The following GRM3 variants were observed in gnomAD, a reference collection of about 807,000 sequenced individuals.
GRM3 encodes the protein glutamate metabotropic receptor 3.
GRM3 carries 26 observed loss-of-function variants against 70.5 expected under a neutral mutation model. The ratio of observed to expected loss-of-function variants is 0.37; its 90% CI spans 0.27 to 0.51. GRM3 has a LOEUF of 0.51. GRM3 is among the 20% of genes least tolerant of loss of function. GRM3 has a pLI of 0.93. For synonymous variants in GRM3, 443 were observed against 434.9 expected (o/e 1.02, Z -0.23); for missense variants, 859 against 1,123.8 (o/e 0.76, Z 3.37).
intron 3 of GRM3, among the ~76,000 whole-genome samples, chr7:86,802,081 A>G (rs1035500306): frequency 1.3e-5 from 2 of 152,208 alleles, no homozygotes; most frequent in African/African-American, 2.4e-5. Context: ...CTGGCCTGAC[A>G]TAACCATTTT....
intron 1 of GRM3, among the ~76,000 whole-genome samples, chr7:86,667,856 A>G (rs1794067175): frequency 6.6e-6 from 1 of 152,134 alleles, no homozygotes; most frequent in Non-Finnish European, 1.5e-5. Flanking sequence ...GCAAGCCAAT[A>G]CAATTACCTA....
intron 1 of GRM3, among the ~76,000 whole-genome samples, chr7:86,724,337 T>C (rs766686622): frequency 6.6e-6 from 1 of 152,130 alleles, no homozygotes; most frequent in Admixed American, 6.6e-5. Context: ...GAAATAACTT[T>C]CCAGGCAAGG....
chr7:86,844,034 T>C (rs749348521), intron 4 of GRM3, among the ~76,000 whole-genome samples: 1 of 152,154 alleles, frequency 6.6e-6, no homozygotes, highest in African/African-American at 2.4e-5. Flanking sequence ...AGGACCATAC[T>C]TGGAGTGTCA....
chr7:86,748,355 C>A (rs994348837), intron 1 of GRM3, among the ~76,000 whole-genome samples: 6 of 151,968 alleles, frequency 3.9e-5, no homozygotes, highest in African/African-American at 1.4e-4. Context: ...AATTCGAAGT[C>A]ATTTGGAGGC....
At chr7:86,795,645 C>T (rs1490988349) in intron 3 of GRM3, among the ~76,000 whole-genome samples, 1 of 151,970 alleles carries the variant, frequency 6.6e-6, no homozygotes, top group Non-Finnish European at 1.5e-5. Flanking sequence ...GTATATGTAC[C>T]ACATTTATTT....
chr7:86,670,079 T>C (rs1794132545), intron 1 of GRM3, among the ~76,000 whole-genome samples: 1 of 152,212 alleles, frequency 6.6e-6, no homozygotes, highest in Non-Finnish European at 1.5e-5. Context: ...TTTCTATCAC[T>C]GTGTCATCTT....
chr7:86,855,455 G>A (rs1798829159), intron 5 of GRM3, among the ~76,000 whole-genome samples: 1 of 152,116 alleles, frequency 6.6e-6, no homozygotes, highest in African/African-American at 2.4e-5. Context: ...TCAGATGTAT[G>A]TATGTCATTA....
chr7:86,691,048 C>T (rs572858800), intron 1 of GRM3, among the ~76,000 whole-genome samples: 2 of 152,136 alleles, frequency 1.3e-5, no homozygotes, highest in African/African-American at 4.8e-5. Context: ...TTTTCCTCTA[C>T]TACCATTTCC....
chr7:86,764,837 G>A (rs1796561973), intron 1 of GRM3, among the ~76,000 whole-genome samples, 169 bp from the exon 2 acceptor site: 1 of 152,108 alleles, frequency 6.6e-6, no homozygotes, highest in African/African-American at 2.4e-5. Context: ...CATAGAGTGT[G>A]TAAGGATGGG....
Position 86,720,092 on chromosome 7 carries a change from C to T in GRM3, c.-140-44914C>T, listed in dbSNP as rs191423561. Among the ~76,000 whole-genome samples, 19 of 151,976 alleles carry T rather than the reference C, an allele frequency of 1.3e-4. No homozygotes were observed. The East Asian group carries it at 2.9e-3, about 23-fold the overall frequency. On this transcript the variant is annotated intron_variant, in intron 1 of 5. Coordinates refer to ENST00000361669, the MANE Select transcript of GRM3 (RefSeq NM_000840.3). ...AAAGAGATCAGTTATCACAGTAGTC[C>T]AAAGGAGAGATGATGGTGGTCTGGA...
chr7:86,763,217 A>G (rs1796523286), intron 1 of GRM3, among the ~76,000 whole-genome samples: 1 of 151,986 alleles, frequency 6.6e-6, no homozygotes, highest in South Asian at 2.1e-4. Context: ...CCTTCATAAA[A>G]CCCTTCCAAC....
chr7:86,764,031 T>G (rs1340394482), intron 1 of GRM3, among the ~76,000 whole-genome samples: 1 of 151,958 alleles, frequency 6.6e-6, no homozygotes, highest in Non-Finnish European at 1.5e-5. Flanking sequence ...GGGGGTGAAG[T>G]GGAGAAGACT....
intron 1 of GRM3, among the ~76,000 whole-genome samples, chr7:86,745,754 G>T (rs1022938067): frequency 6.6e-6 from 1 of 151,938 alleles, no homozygotes; most frequent in African/African-American, 2.4e-5. Flanking sequence ...TAAAAGAAGG[G>T]CCACATCTCC....
At chr7:86,749,611 CT>C (rs1796183918) in intron 1 of GRM3, among the ~76,000 whole-genome samples, 1 of 152,100 alleles carries the variant, frequency 6.6e-6, no homozygotes, top group Admixed American at 6.6e-5. Context: ...AGGATCATTT[CT>C]AAGTGTCGTG....
chr7:86,768,388 G>C (rs1173018999), intron 2 of GRM3, among the ~76,000 whole-genome samples: 1 of 152,172 alleles, frequency 6.6e-6, no homozygotes, highest in Non-Finnish European at 1.5e-5. Flanking sequence ...TCTGTATTAA[G>C]CTCCTACTGT....
rs1796004641 is a variant in GRM3 at position 86,742,153 on chromosome 7, T to A, written c.-140-22853T>A. 3.3e-5 allele frequency among the ~76,000 whole-genome samples: 5 copies of A among 152,280 alleles called. No homozygotes were observed. In the South Asian group the frequency reaches 1.0e-3, roughly 32 times the overall value. On this transcript the variant is annotated intron_variant, in intron 1 of 5. Coordinates refer to ENST00000361669, the MANE Select transcript of GRM3 (RefSeq NM_000840.3). ...GGATGTCTGATGGAACCTCAGCTAG[T>A]GCTGCTGGCTAGTGCATGTGCCTCT...
chr7:86,689,868 T>C (rs1313178349), intron 1 of GRM3, among the ~76,000 whole-genome samples: 1 of 152,164 alleles, frequency 6.6e-6, no homozygotes, highest in Non-Finnish European at 1.5e-5. Flanking sequence ...CCTATATATT[T>C]GCTTATAAGT....
chr7:86,688,929 C>T (rs75101027), intron 1 of GRM3, among the ~76,000 whole-genome samples: 4,991 of 148,064 alleles, frequency 0.034, 278 homozygotes, highest in African/African-American at 0.12. Flanking sequence ...GTCATTCTTT[C>T]CAAGGCTCTG....
At chr7:86,828,846 A>G (rs1394176127) in intron 3 of GRM3, among the ~76,000 whole-genome samples, 2 of 152,248 alleles carry the variant, frequency 1.3e-5, no homozygotes, top group Non-Finnish European at 2.9e-5. Flanking sequence ...TTTTACCCAC[A>G]ATAGAACTTT....
Sources: allele counts gnomAD v4.1 joint callset (sites outside exome capture counted in the v4.1 genomes callset), GRCh38; gene constraint gnomAD v4.1.1; transcripts MANE v1.5; gene names NCBI Gene and HGNC (gene_info 2026-07-23, HGNC 2026-07-21).